The following HEATR5A variants were observed in gnomAD, a reference collection of about 807,000 sequenced individuals.
HEATR5A encodes the protein HEAT repeat containing 5A.
A neutral mutation model predicts 218.8 loss-of-function variants in HEATR5A; 178 were observed. That is an observed-to-expected ratio of 0.81 (90% CI 0.72 to 0.92). The LOEUF is 0.92. Among genes scored for constraint, HEATR5A ranks in the 40% least tolerant of loss-of-function variants. The pLI, the probability that HEATR5A is intolerant of heterozygous loss-of-function variation, is 0.00. For missense variants in HEATR5A, 2,420 were observed against 2,418.9 expected, an observed-to-expected ratio of 1.00 and a Z score of -0.01; for synonymous variants, 864 against 871.6, an observed-to-expected ratio of 0.99 and a Z score of 0.15.
intron 7 of HEATR5A, among the ~76,000 whole-genome samples, chr14:31,388,473 T>G (rs1418212457): frequency 2.0e-5 from 3 of 152,206 alleles, no homozygotes; most frequent in Non-Finnish European, 4.4e-5. Flanking sequence ...AAATGTTTAT[T>G]TCACCTATGC....
intron 16 of HEATR5A, among the ~76,000 whole-genome samples, chr14:31,356,376 A>AG (rs1364000991): frequency 2.6e-5 from 4 of 152,180 alleles, no homozygotes; most frequent in Admixed American, 2.6e-4. Context: ...AGCTGGGACT[A>AG]CAGTTGCACA....
Position 31,350,634 on chromosome 14 carries a change from GA to G in HEATR5A, c.2494del (p.Ser832LeufsTer7). The G allele has an allele frequency of 6.3e-7, 1 of 1,589,746 alleles. No homozygotes were observed. Among genetic ancestry groups the G allele is most frequent in the East Asian group, 2.2e-5 (1 of 44,594 alleles). Reference protein sequence around the residue: ...RQQVVQLHVVSSVSSFLKYVA... With the variant: ...RQQVVQLHVVXSVSSFLKYVA... ...TACCTTCAAGAAACTAGAAACTGAA[GA>G]AACAACATGTAACTGAACCACTTGC... On this transcript the variant is annotated frameshift_variant, in exon 17 of 36. Coordinates refer to ENST00000543095, the MANE Select transcript of HEATR5A (RefSeq NM_015473.4). LOFTEE classifies it high-confidence loss of function.
intron 14 of HEATR5A, among the ~76,000 whole-genome samples, chr14:31,360,593 G>A (rs1380255302): frequency 6.6e-6 from 1 of 152,204 alleles, no homozygotes; most frequent in Non-Finnish European, 1.5e-5. Context: ...CTTATCCACA[G>A]AGAGCTTAAA....
At chr14:31,359,809 A>C (rs1404578547) in intron 14 of HEATR5A, among the ~76,000 whole-genome samples, 1 of 151,848 alleles carries the variant, frequency 6.6e-6, no homozygotes, top group Non-Finnish European at 1.5e-5. Context: ...AACATAAATA[A>C]ATAATAGTAC....
At chr14:31,340,166 T>A (rs1385211746) in intron 21 of HEATR5A, among the ~76,000 whole-genome samples, 1 of 152,172 alleles carries the variant, frequency 6.6e-6, no homozygotes, top group Non-Finnish European at 1.5e-5. Context: ...GAAATTAAAT[T>A]AAACTGTAAC....
intron 1 of HEATR5A, among the ~76,000 whole-genome samples, chr14:31,406,334 A>C (rs918472389): frequency 6.6e-6 from 1 of 152,224 alleles, no homozygotes; most frequent in Non-Finnish European, 1.5e-5. Flanking sequence ...CACTTGAAAA[A>C]AGGATTTCAT....
Position 31,359,037 on chromosome 14 carries a change from T to C in HEATR5A, c.2092A>G (p.Arg698Gly). The change falls in exon 15 of 36, where the codon AGA becomes GGA. Residue 698 changes from arginine (R) to glycine (G), a missense_variant. Transcript: ENST00000543095. ...GCAGTCAAGTCAGCAGCCAGCTCTC[T>C]GAGGATAGCACAGAGGTTTCCTGTT... ...TYEGNLCAIL[R>G]ELAADLTAPD... 3 of 1,591,770 alleles carry C rather than the reference T, an allele frequency of 1.9e-6. No individual in the cohort carries two copies. Among genetic ancestry groups the C allele is most frequent in the Non-Finnish European group, 2.6e-6 (3 of 1,175,012 alleles).
At chr14:31,398,600 T>C (rs1486075057) in intron 4 of HEATR5A, 73 bp downstream of exon 4, 1 of 756,026 alleles carries the variant, frequency 1.3e-6, no homozygotes, top group Non-Finnish European at 2.2e-6. Context: ...TAAAGCTCTT[T>C]GATTTGCTCA....
chr14:31,315,634 C>T (rs2139155080), intron 27 of HEATR5A, 136 bp downstream of exon 27: 1 of 603,834 alleles, frequency 1.7e-6, no homozygotes, highest in East Asian at 2.8e-5. Flanking sequence ...AAATACATCA[C>T]ATGTTGGAAT....
rs56060018 is a variant in HEATR5A at position 31,293,294 on chromosome 14, C to CA, written c.*10dup. On this transcript the variant is annotated 3_prime_UTR_variant, in exon 36 of 36. Transcript: ENST00000543095. ...TATTATATTAAGGTGCTTACTATTCCAAAAAAAAAATCAGAGGAAACTGGT... is the reference window on the plus strand; with the variant it reads ...TATTATATTAAGGTGCTTACTATTCCAAAAAAAAAAATCAGAGGAAACTGGT... 0.012 allele frequency: 15,088 copies of CA among 1,234,270 alleles called. 81 individuals are homozygous for CA. Among genetic ancestry groups the CA allele is most frequent in the African/African-American group, 0.063 (4,106 of 64,922 alleles). 76.5% of individuals were successfully genotyped at this position (1,234,270 alleles called of 1,614,324 possible). A position where few individuals can be genotyped will look rare whatever the true frequency, so the allele number is the denominator to read the frequency against.
intron 25 of HEATR5A, among the ~76,000 whole-genome samples, chr14:31,321,069 T>C (rs918507180): frequency 1.3e-5 from 2 of 152,014 alleles, no homozygotes; most frequent in African/African-American, 4.8e-5. Flanking sequence ...CCCCCTTTCT[T>C]CCCTCCCTCC....
At chr14:31,294,291 T>C (rs1034843426) in intron 34 of HEATR5A, among the ~76,000 whole-genome samples, 187 bp from the exon 35 acceptor site, 2 of 152,176 alleles carry the variant, frequency 1.3e-5, no homozygotes, top group Non-Finnish European at 2.9e-5. Context: ...CAGTTTGGAA[T>C]GGGAAAGAGG....
chr14:31,315,718 G>A, intron 27 of HEATR5A, 52 bp downstream of exon 27: 1 of 1,351,070 alleles, frequency 7.4e-7, no homozygotes, highest in Non-Finnish European at 1.0e-6. Context: ...TATGGCCTAA[G>A]GTGTTTATTA....
intron 21 of HEATR5A, chr14:31,340,488 C>A: frequency 7.8e-7 from 1 of 1,287,218 alleles, no homozygotes; most frequent in Non-Finnish European, 1.0e-6. Context: ...TGCACAAAAA[C>A]AAATGACACA....
chr14:31,300,780 C>G (rs1442199229), intron 33 of HEATR5A, among the ~76,000 whole-genome samples: 1 of 152,188 alleles, frequency 6.6e-6, no homozygotes, highest in Non-Finnish European at 1.5e-5. Flanking sequence ...CTTCCCTTCA[C>G]AGATGTTGTT....
At chr14:31,307,833 A>T in intron 30 of HEATR5A, 60 bp downstream of exon 30, 1 of 1,552,294 alleles carries the variant, frequency 6.4e-7, no homozygotes, top group South Asian at 1.2e-5. Flanking sequence ...AGAAACCTGA[A>T]CATGTTTCTC....
chr14:31,331,212 C>T (rs1595104526), intron 22 of HEATR5A, among the ~76,000 whole-genome samples: 1 of 152,020 alleles, frequency 6.6e-6, no homozygotes, highest in African/African-American at 2.4e-5. Flanking sequence ...AGTGCTGGGA[C>T]TACAGGCATG....
chr14:31,402,959 C>G lies in HEATR5A; in HGVS notation c.17G>C (p.Ser6Thr). Residue 6 changes from serine (S) to threonine (T), a missense_variant, in exon 2 of 36, where the codon AGC (serine) becomes ACC (threonine). Transcript: ENST00000543095. ...GTATGCTTCTTCATTCAGCAGTAAG[C>G]TATGAGCTAATTCCATTCCTTGCAG... MELAH[S>T]LLLNEEAYNQ... is the part of the protein sequence containing the mutation. 2.0e-6 allele frequency: 3 copies of G among 1,536,000 alleles called. No individual in the cohort carries two copies. The highest frequency in any genetic ancestry group is 2.6e-6 in the Non-Finnish European group (3 of 1,146,774).
chr14:31,362,891 T>C (rs1426086280), intron 14 of HEATR5A, among the ~76,000 whole-genome samples: 1 of 152,122 alleles, frequency 6.6e-6, no homozygotes, highest in African/African-American at 2.4e-5. Context: ...AGCAGTCCTT[T>C]TAGCTGGGCA....
Sources: allele counts gnomAD v4.1 joint callset (sites outside exome capture counted in the v4.1 genomes callset), GRCh38; gene constraint gnomAD v4.1.1; transcripts MANE v1.5; gene names NCBI Gene and HGNC (gene_info 2026-07-23, HGNC 2026-07-21).